The following PGM2L1 variants were observed in gnomAD, a reference collection of about 807,000 sequenced individuals.
The protein encoded by PGM2L1 is glucose 1,6-bisphosphate synthase.
PGM2L1 carries 35 observed loss-of-function variants against 73.4 expected under a neutral mutation model. That is an observed-to-expected ratio of 0.48 (90% CI 0.36 to 0.63). The LOEUF is 0.63. Among genes scored for constraint, PGM2L1 ranks in the 30% least tolerant of loss-of-function variants. The probability of loss-of-function intolerance (pLI) is 0.00; values close to 1 mark genes in which losing one functional copy is unlikely to be tolerated. For synonymous variants in PGM2L1, 225 were observed against 253.8 expected (o/e 0.89, Z 1.08); for missense variants, 570 against 742.0 (o/e 0.77, Z 2.69).
In PGM2L1 at chr11:74,346,350, T is replaced by C. The variant is rs577220884; in HGVS notation, c.1037+382A>G. Among the ~76,000 whole-genome samples, 13 of 150,520 alleles carry C rather than the reference T, an allele frequency of 8.6e-5. No homozygotes were observed. In the South Asian group the frequency reaches 2.7e-3, roughly 32 times the overall value. ...ATAACTACATCATAAAGCGATCTGT[T>C]GGGATATTATGTCTTTGTAAAAATT... is the stretch of plus-strand genomic sequence containing the variant. On this transcript the variant is annotated intron_variant, in intron 8 of 13. Transcript: ENST00000298198.
chr11:74,397,774 G>C (rs551817822), intron 1 of PGM2L1: 61 of 249,060 alleles, frequency 2.4e-4, no homozygotes, highest in African/African-American at 1.5e-3. Flanking sequence ...TGAAGAAAGA[G>C]GGAAGACAGC....
chr11:74,330,792 C>T lies in PGM2L1; in HGVS notation c.*5860G>A, dbSNP rs1861999894. On this transcript the variant is annotated 3_prime_UTR_variant, in exon 14 of 14. Transcript: ENST00000298198. ...TATTAAGTCTACATAGACACCATTT[C>T]TTTACCTTCCTGGCCAACACCTTGC... 1 of 152,592 alleles carries T rather than the reference C, an allele frequency of 6.6e-6. No homozygotes were observed. The highest frequency in any genetic ancestry group is 6.5e-5 in the Admixed American group (1 of 15,280). The allele number at this position is 152,592 out of a possible 1,614,324, so 9.5% of individuals were successfully genotyped here.
rs60883108 is a variant in PGM2L1, at chr11:74,395,549, C to CTT, written c.111+2500_111+2501dup. On this transcript the variant is annotated intron_variant, in intron 1 of 13. Coordinates refer to ENST00000298198, the MANE Select transcript of PGM2L1 (RefSeq NM_173582.6). ...TACAGGCACGTGACACCTCGCCTGG[C>CTT]TTTTTTTTTTTTTTTTTTTTTTTTT... Among the ~76,000 whole-genome samples the CTT allele has an allele frequency of 3.2e-4, 21 of 64,942 alleles. 2 individuals are homozygous for CTT. The highest frequency in any genetic ancestry group is 1.4e-3 in the East Asian group (2 of 1,474). 42.6% of individuals were successfully genotyped at this position (64,942 alleles called of 152,430 possible). A position where few individuals can be genotyped will look rare whatever the true frequency, so the allele number is the denominator to read the frequency against.
At chr11:74,396,788 C>A (rs1863183958) in intron 1 of PGM2L1, among the ~76,000 whole-genome samples, 1 of 152,196 alleles carries the variant, frequency 6.6e-6, no homozygotes, top group African/African-American at 2.4e-5. Context: ...TCAAGATCCC[C>A]AGGTGATCTA....
At chr11:74,349,691 TAAAA>T (rs1862320828) in intron 6 of PGM2L1, among the ~76,000 whole-genome samples, 1 of 152,130 alleles carries the variant, frequency 6.6e-6, no homozygotes, top group African/African-American at 2.4e-5. Context: ...TTTAGGTAAA[TAAAA>T]CATATTTCAA....
In PGM2L1 at chr11:74,398,200, A is replaced by T; in HGVS notation, c.-39T>A. 6.9e-6 allele frequency: 11 copies of T among 1,583,392 alleles called. No individual in the cohort carries two copies. Among genetic ancestry groups the T allele is most frequent in the Non-Finnish European group, 7.7e-6 (9 of 1,163,546 alleles). On this transcript the variant is annotated 5_prime_UTR_variant, in exon 1 of 14. Transcript: ENST00000298198. ...GCGTACGGGCCGGGGGCCGGCGAAG[A>T]CACTGAGTTGGGGTGGGGGGTGGCT...
At chr11:74,396,406 T>C (rs1863177035) in intron 1 of PGM2L1, among the ~76,000 whole-genome samples, 1 of 151,468 alleles carries the variant, frequency 6.6e-6, no homozygotes. Flanking sequence ...AAATTCATTC[T>C]TTTTTTTTCT....
intron 5 of PGM2L1, among the ~76,000 whole-genome samples, chr11:74,357,845 T>C (rs573864366): frequency 9.2e-5 from 14 of 152,240 alleles, no homozygotes; most frequent in Non-Finnish European, 1.6e-4. Flanking sequence ...TCTTCTTCTG[T>C]GCTAAAAAAG....
intron 1 of PGM2L1, among the ~76,000 whole-genome samples, chr11:74,375,196 T>C (rs1304336451): frequency 6.6e-6 from 1 of 152,256 alleles, no homozygotes; most frequent in African/African-American, 2.4e-5. Flanking sequence ...AAACGTTTTA[T>C]GTGTTAAGTG....
chr11:74,350,061 C>T (rs1416114742), intron 6 of PGM2L1, among the ~76,000 whole-genome samples: 1 of 151,920 alleles, frequency 6.6e-6, no homozygotes, highest in African/African-American at 2.4e-5. Flanking sequence ...TGCTTTTGCC[C>T]ATATACTCTT....
intron 12 of PGM2L1, 40 bp downstream of exon 12, chr11:74,342,421 A>G (rs1201223313): frequency 3.6e-6 from 5 of 1,394,968 alleles, no homozygotes; most frequent in Non-Finnish European, 4.8e-6. Context: ...ATGAGCCATG[A>G]AATTTTCTAA....
At chr11:74,383,824 A>ATATATATATAT (rs1862982924) in intron 1 of PGM2L1, among the ~76,000 whole-genome samples, 52 of 121,834 alleles carry the variant, frequency 4.3e-4, no homozygotes, top group Non-Finnish European at 7.1e-4. Context: ...TATATAAATA[A>ATATATATATAT]ATATATATAT....
At chr11:74,388,797 TTCCTG>T (rs1201843728) in intron 1 of PGM2L1, among the ~76,000 whole-genome samples, 1 of 152,198 alleles carries the variant, frequency 6.6e-6, no homozygotes, top group African/African-American at 2.4e-5. Context: ...TCTCACTGCC[TTCCTG>T]TCTATTCTTC....
In PGM2L1 at chr11:74,351,585, T is replaced by C. The variant is rs1191429557; in HGVS notation, c.556-9A>G. ...CCAGTTTCCCAGTAAACCTAGATGA[T>C]AAGTAAATATAACCATAATTACTTA... On this transcript the variant is annotated splice_polypyrimidine_tract_variant and intron_variant, in intron 5 of 13. Coordinates refer to ENST00000298198, the MANE Select transcript of PGM2L1 (RefSeq NM_173582.6). 2 of 1,578,730 alleles carry C rather than the reference T, an allele frequency of 1.3e-6. No homozygotes were observed. The highest frequency in any genetic ancestry group is 1.1e-5 in the South Asian group (1 of 87,336).
At position 74,361,312 on chromosome 11, in the gene PGM2L1, C is replaced by T. The variant is rs1430183977; in HGVS notation, c.555+7180G>A. 2.0e-5 allele frequency among the ~76,000 whole-genome samples: 3 copies of T among 152,330 alleles called. No homozygotes were observed. In the East Asian group the frequency reaches 5.8e-4, roughly 29 times the overall value. On this transcript the variant is annotated intron_variant, in intron 5 of 13. Transcript: ENST00000298198. ...GGGTCTGGAGTGGACCTCCAGCAAA[C>T]TCCAACAGACCTGCAGCTGAGGGTC...
chr11:74,361,496 C>T (rs1280815147), intron 5 of PGM2L1, among the ~76,000 whole-genome samples: 1 of 152,162 alleles, frequency 6.6e-6, no homozygotes, highest in Admixed American at 6.5e-5. Context: ...AACACCTCTC[C>T]CCCTGCAAAG....
intron 6 of PGM2L1, among the ~76,000 whole-genome samples, chr11:74,350,550 A>G (rs553144604): frequency 7.2e-5 from 11 of 152,242 alleles, no homozygotes; most frequent in Admixed American, 2.6e-4. Context: ...AACCATGACT[A>G]TGATCAATTT....
chr11:74,340,195 TAAC>T (rs1862162598), intron 12 of PGM2L1, among the ~76,000 whole-genome samples: 1 of 152,142 alleles, frequency 6.6e-6, no homozygotes, highest in Non-Finnish European at 1.5e-5. Context: ...ACCTTGGGGA[TAAC>T]AACATCTATG....
chr11:74,336,486 T>C lies in PGM2L1; in HGVS notation c.*166A>G. The C allele has an allele frequency of 2.4e-6, 1 of 412,798 alleles. No individual in the cohort carries two copies. The highest frequency in any genetic ancestry group is 8.6e-5 in the South Asian group (1 of 11,624). 25.6% of individuals were successfully genotyped at this position (412,798 alleles called of 1,614,324 possible). ...TCTAGACCATTTCATTTCAAACTTA[T>C]ACTTTGTTTAGTCTAGCCAGTTGAC... On this transcript the variant is annotated 3_prime_UTR_variant, in exon 14 of 14. Transcript: ENST00000298198.
Sources: allele counts gnomAD v4.1 joint callset (sites outside exome capture counted in the v4.1 genomes callset), GRCh38; gene constraint gnomAD v4.1.1; transcripts MANE v1.5; gene names NCBI Gene and HGNC (gene_info 2026-07-23, HGNC 2026-07-21).